Variants in NLRP3 observed in about 807,000 individuals in gnomAD.
The protein encoded by NLRP3 is NACHT, LRR and PYD domains-containing protein 3.
In NLRP3, 48 loss-of-function variants were observed where a neutral mutation model predicts 91.3. The ratio of observed to expected loss-of-function variants is 0.53; its 90% confidence interval spans 0.42 to 0.67. NLRP3 has a LOEUF of 0.67. Ranked by LOEUF, NLRP3 falls within the 30% of genes least tolerant of loss-of-function variation. The pLI, the probability that NLRP3 is intolerant of heterozygous loss-of-function variation, is 0.00. For synonymous variants in NLRP3, 561 were observed against 507.9 expected (o/e 1.10, Z -1.41); for missense variants, 982 against 1,276.9 (o/e 0.77, Z 3.52).
At position 247,435,926 on chromosome 1, in the gene NLRP3, C is replaced by T. The variant is rs190033492; in HGVS notation, c.2493-44C>T. On this transcript the variant is annotated intron_variant, in intron 6 of 9. Transcript: ENST00000336119. ...GGGTGCTTCCTTGTCCATGGTGGAG[C>T]GTGGGTGAGAGACATGACTGACATT... 102 of 1,598,632 alleles carry T rather than the reference C, an allele frequency of 6.4e-5. No individual in the cohort carries two copies. The highest frequency in any genetic ancestry group is 4.2e-4 in the East Asian group (19 of 44,794).
chr1:247,429,550 ATTTCT>A (rs757485465), intron 4 of NLRP3, 30 bp from the exon 5 acceptor site: 1 of 1,612,814 alleles, frequency 6.2e-7, no homozygotes, highest in Non-Finnish European at 8.5e-7. Context: ...TTCGAGGCTG[ATTTCT>A]TTTCTGTCTG....
intron 3 of NLRP3, 21 bp from the exon 4 acceptor site, chr1:247,423,826 A>G: frequency 6.2e-7 from 1 of 1,610,684 alleles, no homozygotes; most frequent in Non-Finnish European, 8.5e-7. Flanking sequence ...CTTTCCCCCT[A>G]ACTTCCTGTC....
At chr1:247,445,498 C>T (rs542415132) in intron 9 of NLRP3, among the ~76,000 whole-genome samples, 2 of 152,112 alleles carry the variant, frequency 1.3e-5, no homozygotes, top group South Asian at 2.1e-4. Context: ...CCGTGCCTGG[C>T]GGTTTCTGAG....
intron 2 of NLRP3, among the ~76,000 whole-genome samples, chr1:247,421,741 C>CGT (rs1662474744): frequency 6.6e-6 from 1 of 152,192 alleles, no homozygotes; most frequent in Non-Finnish European, 1.5e-5. Context: ...AACCACTACA[C>CGT]CGTCTTTGCT....
chr1:247,419,721 G>T (rs1029088801), intron 2 of NLRP3, among the ~76,000 whole-genome samples: 2 of 152,008 alleles, frequency 1.3e-5, no homozygotes, highest in African/African-American at 4.8e-5. Flanking sequence ...ATGTCCTCCG[G>T]GTTCAACTAT....
chr1:247,434,187 C>A lies in NLRP3; in HGVS notation c.2406C>A (p.Asp802Glu). ...LSSNQKLVEL[D>E]LSDNALGDFG... The stretch of plus-strand genomic sequence containing the variant: ...GCAACCAGAAGCTGGTGGAGCTGGA[C>A]CTGAGTGACAACGCCCTCGGTGACT... The change falls in exon 6 of 10, where the codon GAC becomes GAA. Residue 802 changes from aspartate (D) to glutamate (E), a missense_variant. Coordinates refer to ENST00000336119, the MANE Select transcript of NLRP3 (RefSeq NM_001243133.2). 1 of 1,614,254 alleles carries A rather than the reference C, an allele frequency of 6.2e-7. No individual in the cohort carries two copies. Among genetic ancestry groups the A allele is most frequent in the South Asian group, 1.1e-5 (1 of 91,090 alleles).
chr1:247,431,279 C>A (rs74154639), intron 5 of NLRP3, among the ~76,000 whole-genome samples: 14 of 152,284 alleles, frequency 9.2e-5, no homozygotes, highest in African/African-American at 3.4e-4. Flanking sequence ...GTGCCTGGGC[C>A]GCCTCACTAG....
intron 2 of NLRP3, among the ~76,000 whole-genome samples, chr1:247,419,446 C>T (rs1019520806): frequency 4.6e-5 from 7 of 152,058 alleles, no homozygotes; most frequent in African/African-American, 7.2e-5. Context: ...TGAGCCACCG[C>T]GCCCGGCCGT....
At chr1:247,441,613 G>A (rs1377228101) in intron 7 of NLRP3, among the ~76,000 whole-genome samples, 1 of 152,150 alleles carries the variant, frequency 6.6e-6, no homozygotes, top group Non-Finnish European at 1.5e-5. Flanking sequence ...ACAGTACATG[G>A]CAAGATATCC....
Position 247,428,197 on chromosome 1 carries a change from C to T in NLRP3, c.2151-1388C>T, listed in dbSNP as rs535713653. Among the ~76,000 whole-genome samples the T allele has an allele frequency of 6.1e-5, 9 of 148,508 alleles. No homozygotes were observed. The South Asian group carries it at 1.3e-3, about 21-fold the overall frequency. Reference sequence around the variant, plus strand: ...GCCTTACTCTGAGGACAGACTCTGACGGGAGCCCTGGTAGGGGGCTCAGCA... The same window carrying T: ...GCCTTACTCTGAGGACAGACTCTGATGGGAGCCCTGGTAGGGGGCTCAGCA... On this transcript the variant is annotated intron_variant, in intron 4 of 9. Coordinates refer to ENST00000336119, the MANE Select transcript of NLRP3 (RefSeq NM_001243133.2).
At chr1:247,421,866 G>C (rs1238374942) in intron 2 of NLRP3, among the ~76,000 whole-genome samples, 1 of 152,094 alleles carries the variant, frequency 6.6e-6, no homozygotes, top group East Asian at 1.9e-4. Context: ...TTACTGTCAT[G>C]GCTCCTACCT....
intron 9 of NLRP3, 106 bp from the exon 10 acceptor site, chr1:247,448,299 G>C (rs11577525): frequency 1.9e-6 from 1 of 521,922 alleles, no homozygotes; most frequent in Non-Finnish European, 3.6e-6. Flanking sequence ...TTACATTTTA[G>C]AAGTGTGTGG....
At chr1:247,441,033 A>C (rs1307297503) in intron 7 of NLRP3, among the ~76,000 whole-genome samples, 1 of 152,112 alleles carries the variant, frequency 6.6e-6, no homozygotes, top group Non-Finnish European at 1.5e-5. Context: ...CAAGCACACA[A>C]TAAATACTCA....
At chr1:247,442,462 T>C (rs1192995254) in intron 7 of NLRP3, among the ~76,000 whole-genome samples, 1 of 152,164 alleles carries the variant, frequency 6.6e-6, no homozygotes, top group East Asian at 1.9e-4. Context: ...GGTGATAGAA[T>C]GGGCTTAATT....
At chr1:247,447,879 C>T (rs1199209144) in intron 9 of NLRP3, among the ~76,000 whole-genome samples, 1 of 152,118 alleles carries the variant, frequency 6.6e-6, no homozygotes, top group Admixed American at 6.5e-5. Flanking sequence ...TTGACATGAC[C>T]TGTTTAATTG....
chr1:247,422,812 C>T (rs1378098676), intron 2 of NLRP3, among the ~76,000 whole-genome samples: 1 of 152,208 alleles, frequency 6.6e-6, no homozygotes, highest in African/African-American at 2.4e-5. Flanking sequence ...CAGGGAACTG[C>T]GGTCAGGGAA....
intron 7 of NLRP3, among the ~76,000 whole-genome samples, chr1:247,442,905 T>C (rs955952359): frequency 1.3e-5 from 2 of 152,112 alleles, no homozygotes; most frequent in Admixed American, 1.3e-4. Context: ...CCTGGGTGAC[T>C]GAGCAAGAGC....
intron 2 of NLRP3, among the ~76,000 whole-genome samples, chr1:247,419,721 G>A (rs1029088801): frequency 3.9e-5 from 6 of 152,008 alleles, no homozygotes; most frequent in African/African-American, 1.5e-4. Context: ...ATGTCCTCCG[G>A]GTTCAACTAT....
intron 7 of NLRP3, among the ~76,000 whole-genome samples, chr1:247,438,374 T>TTG (rs201160513): frequency 0.23 from 27,561 of 117,890 alleles, 4,184 homozygotes; most frequent in South Asian, 0.3. Flanking sequence ...ACTGGTTTAG[T>TTG]TGTGTTTTTT....
Sources: allele counts gnomAD v4.1 joint callset (sites outside exome capture counted in the v4.1 genomes callset), GRCh38; gene constraint gnomAD v4.1.1; transcripts MANE v1.5; gene names NCBI Gene and HGNC (gene_info 2026-07-23, HGNC 2026-07-21).